The following MCC variants were observed in gnomAD, a reference collection of about 807,000 sequenced individuals.
MCC encodes MCC regulator of Wnt signaling pathway.
A neutral mutation model predicts 116.2 loss-of-function variants in MCC; 90 were observed. That is an observed-to-expected ratio of 0.77 (90% CI 0.65 to 0.92). MCC has a LOEUF of 0.92. Among genes scored for constraint, MCC ranks in the 40% least tolerant of loss-of-function variants. MCC has a pLI of 0.00. For synonymous variants in MCC, 578 were observed against 510.5 expected (o/e 1.13, Z -1.78); for missense variants, 1,516 against 1,312.2 (o/e 1.16, Z -2.40).
chr5:113,209,224 T>A (rs1763025327), intron 3 of MCC, among the ~76,000 whole-genome samples: 1 of 152,250 alleles, frequency 6.6e-6, no homozygotes, highest in Non-Finnish European at 1.5e-5. Flanking sequence ...ACTCATCTGA[T>A]TTTAGGGAAC....
At chr5:113,485,982 A>C (rs1204462540) in intron 1 of MCC, among the ~76,000 whole-genome samples, 2 of 152,246 alleles carry the variant, frequency 1.3e-5, no homozygotes, top group Non-Finnish European at 2.9e-5. Flanking sequence ...CAGGTCATTA[A>C]ATGAAAGCAG....
intron 3 of MCC, among the ~76,000 whole-genome samples, chr5:113,330,473 A>G (rs1767672465): frequency 6.6e-6 from 1 of 152,340 alleles, no homozygotes; most frequent in African/African-American, 2.4e-5. Context: ...TATGTTTCCT[A>G]TCTCTCCTTT....
chr5:113,451,215 A>T (rs939373067), intron 1 of MCC, among the ~76,000 whole-genome samples: 1 of 152,232 alleles, frequency 6.6e-6, no homozygotes, highest in African/African-American at 2.4e-5. Flanking sequence ...TCCTGAGATG[A>T]AGCCCACTAC....
intron 3 of MCC, among the ~76,000 whole-genome samples, chr5:113,278,223 C>T (rs914306028): frequency 6.6e-6 from 1 of 152,166 alleles, no homozygotes; most frequent in African/African-American, 2.4e-5. Context: ...TGGACAAGAT[C>T]CTTAACCTGT....
intron 17 of MCC, among the ~76,000 whole-genome samples, chr5:113,034,413 G>C (rs999595449): frequency 2.6e-5 from 4 of 152,188 alleles, no homozygotes; most frequent in African/African-American, 7.2e-5. Flanking sequence ...CATCAGTAAG[G>C]AGGTTATATT....
chr5:113,155,336 C>T (rs114789712), intron 3 of MCC, among the ~76,000 whole-genome samples: 1,712 of 152,282 alleles, frequency 0.011, 15 homozygotes, highest in South Asian at 0.05. Flanking sequence ...AACAGTGCTG[C>T]GATAAACATG....
chr5:113,370,203 C>T (rs1320441548), intron 2 of MCC, among the ~76,000 whole-genome samples: 1 of 152,142 alleles, frequency 6.6e-6, no homozygotes, highest in Non-Finnish European at 1.5e-5. Context: ...CCCTCATAAT[C>T]CCAACTGTTG....
intron 1 of MCC, among the ~76,000 whole-genome samples, chr5:113,480,384 C>A (rs1364135239): frequency 6.6e-6 from 1 of 152,220 alleles, no homozygotes; most frequent in East Asian, 1.9e-4. Flanking sequence ...TACCATATTT[C>A]AAAACTTCTA....
chr5:113,047,077 T>A (rs369439198), intron 16 of MCC, among the ~76,000 whole-genome samples: 1 of 152,182 alleles, frequency 6.6e-6, no homozygotes, highest in African/African-American at 2.4e-5. Context: ...ACCTCCCACT[T>A]TCCACTGGGG....
chr5:113,339,157 C>T (rs1452337361), intron 3 of MCC, among the ~76,000 whole-genome samples: 1 of 150,548 alleles, frequency 6.6e-6, no homozygotes, highest in African/African-American at 2.5e-5. Context: ...ACCTGGAAGG[C>T]GGAGGTTGCA....
intron 3 of MCC, among the ~76,000 whole-genome samples, chr5:113,157,371 T>C (rs1760229717): frequency 6.6e-6 from 1 of 152,222 alleles, no homozygotes; most frequent in Admixed American, 6.5e-5. Context: ...TTGAATAAAA[T>C]GGTGGAGAAC....
chr5:113,249,135 C>G (rs1024581537), intron 3 of MCC, among the ~76,000 whole-genome samples: 2 of 132,302 alleles, frequency 1.5e-5, no homozygotes, highest in Non-Finnish European at 3.2e-5. Context: ...AGCCACCGCA[C>G]CCAGCTCTCT....
chr5:113,145,044 G>A (rs1009643492), intron 4 of MCC, among the ~76,000 whole-genome samples: 1 of 152,140 alleles, frequency 6.6e-6, no homozygotes, highest in Non-Finnish European at 1.5e-5. Context: ...TTAAGGAAAA[G>A]GAGAAGTCCA....
At chr5:113,217,169 A>C (rs1320458006) in intron 3 of MCC, among the ~76,000 whole-genome samples, 1 of 152,188 alleles carries the variant, frequency 6.6e-6, no homozygotes, top group East Asian at 1.9e-4. Context: ...TATTAATACT[A>C]ATCCTTCAAG....
chr5:113,110,469 C>T (rs556382000), intron 6 of MCC, among the ~76,000 whole-genome samples: 4 of 152,232 alleles, frequency 2.6e-5, no homozygotes, highest in East Asian at 1.9e-4. Flanking sequence ...TTTAGGTACA[C>T]GGTACTTCAT....
At chr5:113,332,645 C>A (rs1186069561) in intron 3 of MCC, among the ~76,000 whole-genome samples, 1 of 150,452 alleles carries the variant, frequency 6.6e-6, no homozygotes, top group East Asian at 1.9e-4. Context: ...CATAGGACTG[C>A]AAAGTTAGTT....
intron 3 of MCC, among the ~76,000 whole-genome samples, chr5:113,330,895 G>A (rs1767682128): frequency 2.0e-5 from 3 of 152,260 alleles, no homozygotes; most frequent in African/African-American, 4.8e-5. Context: ...GTGATATGAC[G>A]GCTTCCTACC....
At chr5:113,259,687 A>G (rs1321558919) in intron 3 of MCC, among the ~76,000 whole-genome samples, 1 of 152,110 alleles carries the variant, frequency 6.6e-6, no homozygotes, top group Non-Finnish European at 1.5e-5. Flanking sequence ...GAACTCCTAG[A>G]ACATGTTAAC....
chr5:113,328,253 C>T (rs1767615595), intron 3 of MCC, among the ~76,000 whole-genome samples: 1 of 152,182 alleles, frequency 6.6e-6, no homozygotes. Flanking sequence ...CTACTGATAT[C>T]CTACATGTAC....
Sources: gnomAD v4.1 joint callset for allele counts (sites outside exome capture counted in the v4.1 genomes callset) on GRCh38, gnomAD v4.1.1 for gene constraint, MANE v1.5 for transcripts, NCBI Gene and HGNC (gene_info 2026-07-23, HGNC 2026-07-21) for gene names.